Variants in SOS2 observed in about 807,000 individuals in gnomAD.
SOS2 encodes the protein SOS Ras/Rho guanine nucleotide exchange factor 2.
Under a neutral mutation model 148.2 loss-of-function variants are expected in SOS2, and 65 were observed. The ratio of observed to expected loss-of-function variants is 0.44; its 90% confidence interval spans 0.36 to 0.54. The LOEUF is 0.54. SOS2 is among the 20% of genes least tolerant of loss of function. The pLI is 0.00. For missense variants in SOS2, 1,341 were observed against 1,590.2 expected, an observed-to-expected ratio of 0.84 and a Z score of 2.67; for synonymous variants, 539 against 537.1, an observed-to-expected ratio of 1.00 and a Z score of -0.05.
intron 10 of SOS2, among the ~76,000 whole-genome samples, chr14:50,158,957 G>A (rs546323982): frequency 6.6e-6 from 1 of 152,214 alleles, no homozygotes; most frequent in African/African-American, 2.4e-5. Flanking sequence ...GGCCGAGGTG[G>A]GCGGATCACG....
chr14:50,182,004 A>C (rs1003963342), intron 6 of SOS2, among the ~76,000 whole-genome samples: 6 of 151,754 alleles, frequency 4.0e-5, no homozygotes, highest in Non-Finnish European at 5.9e-5. Context: ...AAAAAAAAAA[A>C]AAAACCTAAA....
chr14:50,216,741 T>C lies in SOS2; in HGVS notation c.88-12332A>G, dbSNP rs1188839865. Among the ~76,000 whole-genome samples the C allele has an allele frequency of 3.3e-5, 5 of 150,036 alleles. No homozygotes were observed. The South Asian group carries it at 1.1e-3, about 32-fold the overall frequency. ...CAGAGTGAGACTCAATATCAAAAAA[T>C]AAAAACAAAATACAATAAACATGAA... is the stretch of plus-strand genomic sequence containing the variant. On this transcript the variant is annotated intron_variant, in intron 1 of 22. Transcript: ENST00000216373.
At chr14:50,206,024 C>T (rs536867928) in intron 1 of SOS2, among the ~76,000 whole-genome samples, 18 of 151,444 alleles carry the variant, frequency 1.2e-4, no homozygotes, top group South Asian at 1.0e-3. Flanking sequence ...TTTGTGTATT[C>T]GTTCTTTTCT....
chr14:50,165,850 G>C (rs1465874355), intron 8 of SOS2, among the ~76,000 whole-genome samples: 1 of 152,116 alleles, frequency 6.6e-6, no homozygotes, highest in Non-Finnish European at 1.5e-5. Context: ...GTAACACGAG[G>C]TACTATAATC....
At chr14:50,219,852 G>C (rs1189558171) in intron 1 of SOS2, among the ~76,000 whole-genome samples, 3 of 151,864 alleles carry the variant, frequency 2.0e-5, no homozygotes, top group Non-Finnish European at 4.4e-5. Flanking sequence ...TGTTTTTTGG[G>C]GGGCAGGGGA....
In SOS2 at chr14:50,171,029, G is replaced by A. The variant is rs528068935; in HGVS notation, c.1068+3425C>T. Among the ~76,000 whole-genome samples the A allele has an allele frequency of 1.1e-3, 165 of 151,504 alleles. 1 individual carries two copies. Among genetic ancestry groups the A allele is most frequent in the Non-Finnish European group, 2.0e-3 (139 of 67,902 alleles). On this transcript the variant is annotated intron_variant, in intron 8 of 22. Transcript: ENST00000216373. ...CTCGGGAAGCTGAGGCAGGAGAATC[G>A]CTTGAACCTGGGAGGCGGAGGTTGC...
intron 21 of SOS2, among the ~76,000 whole-genome samples, chr14:50,125,197 AC>A (rs1883644510): frequency 6.6e-6 from 1 of 152,250 alleles, no homozygotes; most frequent in Non-Finnish European, 1.5e-5. Context: ...AAAGAAACAT[AC>A]CGCGAGAAGA....
chr14:50,200,882 T>C lies in SOS2; in HGVS notation c.345+71A>G, dbSNP rs578049694. The stretch of plus-strand genomic sequence containing the variant: ...ACACAGACCATGCTACATTAATGCT[T>C]TATAAATATAGAAATAAAATATTAC... On this transcript the variant is annotated intron_variant, in intron 3 of 22. Coordinates refer to ENST00000216373, the MANE Select transcript of SOS2 (RefSeq NM_006939.4). 1.3e-5 allele frequency: 19 copies of C among 1,455,928 alleles called. No individual in the cohort carries two copies. The Middle Eastern group carries it at 8.8e-4, about 68-fold the overall frequency. 90.2% of individuals were successfully genotyped at this position (1,455,928 alleles called of 1,614,324 possible).
chr14:50,196,377 G>C (rs1277484140), intron 4 of SOS2, among the ~76,000 whole-genome samples: 1 of 152,018 alleles, frequency 6.6e-6, no homozygotes, highest in Non-Finnish European at 1.5e-5. Context: ...AGAATAAAAT[G>C]GAGTCTCCAT....
chr14:50,159,094 G>A (rs1884913902), intron 10 of SOS2, among the ~76,000 whole-genome samples: 1 of 152,014 alleles, frequency 6.6e-6, no homozygotes, highest in Admixed American at 6.6e-5. Context: ...GGAGGCTGAG[G>A]CAGGAGAATG....
At chr14:50,123,625 C>T (rs968037120) in intron 21 of SOS2, among the ~76,000 whole-genome samples, 2 of 151,744 alleles carry the variant, frequency 1.3e-5, no homozygotes, top group Non-Finnish European at 2.9e-5. Flanking sequence ...TCAGGTGATC[C>T]GCCTGCCTTG....
intron 5 of SOS2, among the ~76,000 whole-genome samples, chr14:50,184,532 C>T (rs930012486): frequency 4.2e-4 from 64 of 151,770 alleles, no homozygotes; most frequent in African/African-American, 1.5e-3. Flanking sequence ...CATGATAGGG[C>T]CAGTCACCAA....
intron 18 of SOS2, among the ~76,000 whole-genome samples, chr14:50,138,295 T>G (rs2139548919): frequency 6.6e-6 from 1 of 152,258 alleles, no homozygotes; most frequent in South Asian, 2.1e-4. Flanking sequence ...TAGCTGGGAC[T>G]GCAGGCACCC....
At chr14:50,217,933 C>A (rs1199232353) in intron 1 of SOS2, among the ~76,000 whole-genome samples, 1 of 151,348 alleles carries the variant, frequency 6.6e-6, no homozygotes, top group Non-Finnish European at 1.5e-5. Context: ...CCAGCCTGGG[C>A]GACAGAGCGA....
intron 6 of SOS2, among the ~76,000 whole-genome samples, chr14:50,182,025 C>G (rs1343234551): frequency 6.7e-6 from 1 of 149,916 alleles, no homozygotes; most frequent in Non-Finnish European, 1.5e-5. Flanking sequence ...TGTTACTACT[C>G]TAGTTTATAT....
chr14:50,178,561 T>TCAAGTGATCCTCCTGCCTC (rs1005094707), intron 7 of SOS2, among the ~76,000 whole-genome samples: 1 of 151,326 alleles, frequency 6.6e-6, no homozygotes, highest in African/African-American at 2.4e-5. Context: ...CCTCCTGGGT[T>TCAAGTGATCCTCCTGCCTC]CAAGTGATCC....
intron 16 of SOS2, among the ~76,000 whole-genome samples, chr14:50,140,411 G>A (rs531886980): frequency 1.3e-5 from 2 of 152,238 alleles, no homozygotes; most frequent in Admixed American, 1.3e-4. Flanking sequence ...GATCTTTTGG[G>A]GCTAAAGGTT....
chr14:50,218,139 C>CAA (rs951095318), intron 1 of SOS2, among the ~76,000 whole-genome samples: 17 of 52,204 alleles, frequency 3.3e-4, no homozygotes, highest in African/African-American at 1.1e-3. Flanking sequence ...CTCTTAAAAA[C>CAA]AAAAAAAAAA....
Position 50,132,439 on chromosome 14 carries a change from T to A in SOS2, c.3076-1677A>T, listed in dbSNP as rs533855206. 1.2e-4 allele frequency among the ~76,000 whole-genome samples: 17 copies of A among 145,874 alleles called. No individual in the cohort carries two copies. In the East Asian group the frequency reaches 3.1e-3, roughly 26 times the overall value. Reference sequence around the variant, plus strand: ...ACTTTGGGAGGTCGAGGCAGGTGGATCACTTGAGGTCAGGAGTACAAGACA... The same window carrying A: ...ACTTTGGGAGGTCGAGGCAGGTGGAACACTTGAGGTCAGGAGTACAAGACA... On this transcript the variant is annotated intron_variant, in intron 19 of 22. Transcript: ENST00000216373.
Sources: allele counts gnomAD v4.1 joint callset (sites outside exome capture counted in the v4.1 genomes callset), GRCh38; gene constraint gnomAD v4.1.1; transcripts MANE v1.5; gene names NCBI Gene and HGNC (gene_info 2026-07-23, HGNC 2026-07-21).